The following PPM1E variants were observed in gnomAD, a reference collection of about 807,000 sequenced individuals.
PPM1E encodes the protein protein phosphatase, Mg2+/Mn2+ dependent 1E.
In PPM1E, 20 loss-of-function variants were observed where a neutral mutation model predicts 65.9. The ratio of observed to expected loss-of-function variants is 0.30; its 90% CI spans 0.21 to 0.44. The LOEUF is 0.44. PPM1E is among the 20% of genes least tolerant of loss of function. The probability of loss-of-function intolerance (pLI) is 1.00; values close to 1 mark genes in which losing one functional copy is unlikely to be tolerated. For synonymous variants in PPM1E, 352 were observed against 374.9 expected (o/e 0.94, Z 0.70); for missense variants, 713 against 953.1 (o/e 0.75, Z 3.32).
chr17:58,873,892 C>T (rs150018103), intron 1 of PPM1E, among the ~76,000 whole-genome samples: 7 of 151,694 alleles, frequency 4.6e-5, no homozygotes, highest in South Asian at 2.1e-4. Context: ...CCACCGTGCC[C>T]GGCCTAGTGT....
At chr17:58,920,467 C>T (rs762567445) in intron 1 of PPM1E, among the ~76,000 whole-genome samples, 10 of 152,192 alleles carry the variant, frequency 6.6e-5, no homozygotes, top group Non-Finnish European at 1.5e-4. Context: ...CCAGCCCTCT[C>T]CCTGTAGTAT....
Position 58,927,843 on chromosome 17 carries a change from G to A in PPM1E, c.465-27806G>A, listed in dbSNP as rs1244040107. Among the ~76,000 whole-genome samples the A allele has an allele frequency of 2.0e-5, 3 of 152,218 alleles. No homozygotes were observed. In the East Asian group the frequency reaches 5.8e-4, roughly 29 times the overall value. ...GGAGGCTGAGGCAGGCGGATCATCT[G>A]AGGTCAGGAGTTCGAGACCAGCCTG... is the stretch of plus-strand genomic sequence containing the variant. On this transcript the variant is annotated intron_variant, in intron 1 of 6. Coordinates refer to ENST00000308249, the MANE Select transcript of PPM1E (RefSeq NM_014906.5).
intron 6 of PPM1E, among the ~76,000 whole-genome samples, chr17:58,974,348 A>G (rs1045499717): frequency 2.2e-4 from 34 of 152,320 alleles, no homozygotes; most frequent in Admixed American, 4.6e-4. Flanking sequence ...TGTATGTGGA[A>G]TACAGTCACC....
intron 1 of PPM1E, among the ~76,000 whole-genome samples, chr17:58,954,516 C>T (rs2052286618): frequency 6.6e-6 from 1 of 152,144 alleles, no homozygotes; most frequent in African/African-American, 2.4e-5. Flanking sequence ...GTGCCACTTT[C>T]CCCTCACCCA....
chr17:58,802,113 A>G (rs2143056329), intron 1 of PPM1E, among the ~76,000 whole-genome samples: 1 of 152,290 alleles, frequency 6.6e-6, no homozygotes, highest in South Asian at 2.1e-4. Flanking sequence ...TGCCAAGGCC[A>G]GTTGTCAAAG....
intron 1 of PPM1E, among the ~76,000 whole-genome samples, chr17:58,768,287 C>T (rs1295683715): frequency 2.6e-5 from 4 of 151,524 alleles, no homozygotes; most frequent in Non-Finnish European, 5.9e-5. Context: ...TCTATTTTGC[C>T]CAGGGTGGTC....
intron 2 of PPM1E, among the ~76,000 whole-genome samples, chr17:58,958,988 G>C (rs57168987): frequency 1.3e-5 from 2 of 151,868 alleles, no homozygotes; most frequent in Non-Finnish European, 2.9e-5. Context: ...AAGGAAATGA[G>C]AGACGAGTCT....
intron 1 of PPM1E, among the ~76,000 whole-genome samples, chr17:58,847,012 G>A (rs2050778317): frequency 6.6e-6 from 1 of 152,158 alleles, no homozygotes; most frequent in Admixed American, 6.5e-5. Context: ...GCATTTCTCT[G>A]ATGACCAGTG....
chr17:58,825,265 A>C lies in PPM1E; in HGVS notation c.464+68804A>C, dbSNP rs867596941. 2.8e-3 allele frequency among the ~76,000 whole-genome samples: 360 copies of C among 126,508 alleles called. 4 individuals carry two copies. Among genetic ancestry groups the C allele is most frequent in the African/African-American group, 7.0e-3 (243 of 34,952 alleles). The allele number at this position is 126,508 out of a possible 152,430, so 83.0% of individuals were successfully genotyped here. A position where few individuals can be genotyped will look rare whatever the true frequency, so the allele number is the denominator to read the frequency against. On this transcript the variant is annotated intron_variant, in intron 1 of 6. Transcript: ENST00000308249. ...ACACACACACACACACACACACACA[A>C]AAATAAATAGAATGAAATATCTGGC...
rs2031382021 is a variant in PPM1E, at chr17:58,981,983, A to C, written c.*952A>C. 1 of 152,668 alleles carries C rather than the reference A, an allele frequency of 6.6e-6. No homozygotes were observed. Among genetic ancestry groups the C allele is most frequent in the Non-Finnish European group, 1.5e-5 (1 of 68,052 alleles). 9.5% of individuals were successfully genotyped at this position (152,668 alleles called of 1,614,324 possible). A position where few individuals can be genotyped will look rare whatever the true frequency, so the allele number is the denominator to read the frequency against. On this transcript the variant is annotated 3_prime_UTR_variant, in exon 7 of 7. Transcript: ENST00000308249. ...TCAGACAGCAAAGGCATGTACTACTATAAAATACAAAGTGATTTTAGAGAA... is the reference window on the plus strand; with the variant it reads ...TCAGACAGCAAAGGCATGTACTACTCTAAAATACAAAGTGATTTTAGAGAA...
chr17:58,789,942 G>C (rs1460332331), intron 1 of PPM1E, among the ~76,000 whole-genome samples: 4 of 152,026 alleles, frequency 2.6e-5, no homozygotes, highest in Non-Finnish European at 4.4e-5. Flanking sequence ...TTGAAGGCAG[G>C]CACTATAGAA....
At position 58,935,081 on chromosome 17, in the gene PPM1E, T is replaced by C. The variant is rs1421319358; in HGVS notation, c.465-20568T>C. ...GCCTGGCCAACACAGTGAAACCCCGTCTCTACTAAAAATGCAAAAATTAGC... is the reference window on the plus strand; with the variant it reads ...GCCTGGCCAACACAGTGAAACCCCGCCTCTACTAAAAATGCAAAAATTAGC... On this transcript the variant is annotated intron_variant, in intron 1 of 6. Coordinates refer to ENST00000308249, the MANE Select transcript of PPM1E (RefSeq NM_014906.5). Among the ~76,000 whole-genome samples the C allele has an allele frequency of 4.6e-5, 7 of 150,746 alleles. No individual in the cohort carries two copies. In the East Asian group the frequency reaches 1.4e-3, roughly 29 times the overall value.
chr17:58,962,882 T>G (rs182683005), intron 2 of PPM1E, among the ~76,000 whole-genome samples: 315 of 149,812 alleles, frequency 2.1e-3, no homozygotes, highest in African/African-American at 7.4e-3. Flanking sequence ...GAGTTTGAGA[T>G]GAGCCTGAGC....
At position 58,981,195 on chromosome 17, in the gene PPM1E, T is replaced by C; in HGVS notation, c.*164T>C. Reference sequence around the variant, plus strand: ...TCTAGGAAACTCAAAGTACAGTGTTTTCAATCTAAAAAGAAGTATTGGCAG... The same window carrying C: ...TCTAGGAAACTCAAAGTACAGTGTTCTCAATCTAAAAAGAAGTATTGGCAG... On this transcript the variant is annotated 3_prime_UTR_variant, in exon 7 of 7. Transcript: ENST00000308249. The C allele has an allele frequency of 1.7e-6, 1 of 592,706 alleles. No individual in the cohort carries two copies. The highest frequency in any genetic ancestry group is 2.8e-6 in the Non-Finnish European group (1 of 351,278). The allele number at this position is 592,706 out of a possible 1,614,324, so 36.7% of individuals were successfully genotyped here. A position where few individuals can be genotyped will look rare whatever the true frequency, so the allele number is the denominator to read the frequency against.
At chr17:58,944,752 T>C (rs2052123714) in intron 1 of PPM1E, among the ~76,000 whole-genome samples, 1 of 152,258 alleles carries the variant, frequency 6.6e-6, no homozygotes, top group Non-Finnish European at 1.5e-5. Context: ...GACACTTGGT[T>C]GTTTTTACTA....
intron 1 of PPM1E, among the ~76,000 whole-genome samples, chr17:58,863,005 C>T (rs1201567644): frequency 6.6e-6 from 1 of 152,106 alleles, no homozygotes; most frequent in Non-Finnish European, 1.5e-5. Flanking sequence ...TAGAGCAGCC[C>T]TTTTTACTAT....
chr17:58,858,128 TG>T (rs987656798), intron 1 of PPM1E, among the ~76,000 whole-genome samples: 2 of 152,122 alleles, frequency 1.3e-5, no homozygotes, highest in African/African-American at 4.8e-5. Flanking sequence ...ATAAAGCCAA[TG>T]TTTTTAGAGT....
intron 1 of PPM1E, among the ~76,000 whole-genome samples, chr17:58,795,068 C>A (rs554647669): frequency 6.6e-6 from 1 of 151,846 alleles, no homozygotes; most frequent in South Asian, 2.1e-4. Flanking sequence ...TTCTTTGTAT[C>A]TACAGTAGAG....
chr17:58,924,013 G>T (rs562528866), intron 1 of PPM1E, among the ~76,000 whole-genome samples: 45 of 149,416 alleles, frequency 3.0e-4, no homozygotes, highest in Non-Finnish European at 6.2e-4. Context: ...CCACCTCCTG[G>T]GTTCAAGCAA....
Sources: gnomAD v4.1 joint callset for allele counts (sites outside exome capture counted in the v4.1 genomes callset) on GRCh38, gnomAD v4.1.1 for gene constraint, MANE v1.5 for transcripts, NCBI Gene and HGNC (gene_info 2026-07-23, HGNC 2026-07-21) for gene names.